Variants in DKK2 observed in about 807,000 individuals in gnomAD.
DKK2 encodes the protein dickkopf-related protein 2.
A neutral mutation model predicts 28.1 loss-of-function variants in DKK2; 11 were observed. The ratio of observed to expected loss-of-function variants is 0.39; its 90% CI spans 0.25 to 0.65. DKK2 has a LOEUF of 0.65. Among genes scored for constraint, DKK2 ranks in the 30% least tolerant of loss-of-function variants. DKK2 has a pLI of 0.47. For synonymous variants in DKK2, 135 were observed against 126.5 expected, an observed-to-expected ratio of 1.07 and a Z score of -0.45; for missense variants, 326 against 335.5, an observed-to-expected ratio of 0.97 and a Z score of 0.22.
intron 1 of DKK2, among the ~76,000 whole-genome samples, chr4:106,993,318 G>T (rs1007638291): frequency 6.6e-6 from 1 of 152,170 alleles, no homozygotes; most frequent in Non-Finnish European, 1.5e-5. Context: ...AAAGCACATA[G>T]CCTCATGGCT....
At chr4:106,981,208 G>A (rs1436808167) in intron 1 of DKK2, among the ~76,000 whole-genome samples, 1 of 151,984 alleles carries the variant, frequency 6.6e-6, no homozygotes, top group African/African-American at 2.4e-5. Context: ...ACTTGAAGGG[G>A]TGGTCTAAAT....
At chr4:106,975,904 G>A (rs1290095132) in intron 1 of DKK2, among the ~76,000 whole-genome samples, 2 of 152,106 alleles carry the variant, frequency 1.3e-5, no homozygotes, top group Non-Finnish European at 2.9e-5. Flanking sequence ...TCTAAACACT[G>A]CTTTAGCTGT....
intron 1 of DKK2, among the ~76,000 whole-genome samples, chr4:107,018,582 C>T (rs555732436): frequency 3.3e-5 from 5 of 152,114 alleles, no homozygotes; most frequent in East Asian, 1.9e-4. Flanking sequence ...ATTCTGGTGA[C>T]GGATGAAGTA....
chr4:106,971,688 T>C (rs1722870272), intron 1 of DKK2, among the ~76,000 whole-genome samples: 1 of 152,098 alleles, frequency 6.6e-6, no homozygotes, highest in African/African-American at 2.4e-5. Flanking sequence ...ATTCTTCTTG[T>C]TTGAAAGTAA....
intron 1 of DKK2, among the ~76,000 whole-genome samples, chr4:107,020,513 C>A (rs1419106391): frequency 6.6e-6 from 1 of 151,942 alleles, no homozygotes. Flanking sequence ...GAAGTTTAGT[C>A]TTTCCTCTTA....
intron 2 of DKK2, among the ~76,000 whole-genome samples, chr4:106,924,969 G>A (rs1390358984): frequency 6.6e-6 from 1 of 152,126 alleles, no homozygotes; most frequent in African/African-American, 2.4e-5. Flanking sequence ...TAGTCACAAA[G>A]TTATTGTGAA....
chr4:106,933,955 T>C (rs563799654), intron 1 of DKK2, among the ~76,000 whole-genome samples: 4 of 151,146 alleles, frequency 2.6e-5, no homozygotes, highest in African/African-American at 9.7e-5. Context: ...GTAAGTTTCC[T>C]GTAAATGTGT....
At chr4:106,978,404 A>G (rs75950190) in intron 1 of DKK2, among the ~76,000 whole-genome samples, 4,711 of 152,248 alleles carry the variant, frequency 0.031, 81 homozygotes, top group African/African-American at 0.045. Flanking sequence ...AGCCCCTGAC[A>G]GTGGCTGCTG....
chr4:107,035,527 A>G lies in DKK2; in HGVS notation c.65T>C (p.Met22Thr), dbSNP rs1282303935. ...ACTGCCGATCTGTGAGCTCTCCACC[A>G]TCAGCACCGCGGCCAGTAGGAGCAG... is the stretch of plus-strand genomic sequence containing the variant. ...CCLLLLAAVL[M>T]VESSQIGSSR... Residue 22 changes from methionine (M) to threonine (T), a missense_variant, in exon 1 of 4, where the codon ATG (methionine) becomes ACG (threonine). Met to Thr is a moderately conservative substitution (Grantham distance 81, BLOSUM62 -1). Transcript: ENST00000285311. The G allele has an allele frequency of 1.2e-6, 2 of 1,614,180 alleles. No homozygotes were observed. Among genetic ancestry groups the G allele is most frequent in the South Asian group, 2.2e-5 (2 of 91,086 alleles).
intron 1 of DKK2, among the ~76,000 whole-genome samples, chr4:106,999,545 C>T (rs1368599420): frequency 5.3e-5 from 8 of 152,042 alleles, no homozygotes; most frequent in South Asian, 4.1e-4. Flanking sequence ...CAGGGTTTCA[C>T]CACGTTAGCC....
chr4:106,962,672 G>A, intron 1 of DKK2, among the ~76,000 whole-genome samples: 1 of 151,902 alleles, frequency 6.6e-6, no homozygotes, highest in East Asian at 1.9e-4. Context: ...AAACATTGGG[G>A]AAACACTCCA....
intron 1 of DKK2, among the ~76,000 whole-genome samples, chr4:107,015,407 C>T (rs572730755): frequency 1.2e-3 from 187 of 151,640 alleles, no homozygotes; most frequent in African/African-American, 4.3e-3. Flanking sequence ...GTTTATCTCT[C>T]TTGTAACTCC....
intron 1 of DKK2, among the ~76,000 whole-genome samples, chr4:107,000,276 G>C (rs1402687609): frequency 1.3e-5 from 2 of 152,080 alleles, no homozygotes; most frequent in Non-Finnish European, 2.9e-5. Flanking sequence ...CAGATCAGTG[G>C]TTTTGGAATG....
intron 1 of DKK2, among the ~76,000 whole-genome samples, chr4:106,991,335 C>T (rs1332952740): frequency 6.6e-6 from 1 of 152,104 alleles, no homozygotes; most frequent in South Asian, 2.1e-4. Flanking sequence ...CATCCCACTG[C>T]AGTAGAAATC....
intron 1 of DKK2, among the ~76,000 whole-genome samples, chr4:106,948,051 T>C (rs974411618): frequency 6.6e-6 from 1 of 152,176 alleles, no homozygotes; most frequent in Non-Finnish European, 1.5e-5. Flanking sequence ...CACTCCTAAA[T>C]AAAACTCTGT....
chr4:107,022,320 G>A (rs1159234667), intron 1 of DKK2, among the ~76,000 whole-genome samples: 1 of 152,086 alleles, frequency 6.6e-6, no homozygotes. Flanking sequence ...CACTTAAGAA[G>A]TAAGCAATTA....
At chr4:107,034,211 G>C (rs557401357) in intron 1 of DKK2, among the ~76,000 whole-genome samples, 1 of 151,942 alleles carries the variant, frequency 6.6e-6, no homozygotes, top group African/African-American at 2.4e-5. Flanking sequence ...CTGCGCTGTG[G>C]ACAGGGGCGG....
Position 107,006,746 on chromosome 4 carries a change from A to C in DKK2, c.222+28624T>G, listed in dbSNP as rs140998988. 8.5e-5 allele frequency among the ~76,000 whole-genome samples: 13 copies of C among 152,336 alleles called. No individual in the cohort carries two copies. The East Asian group carries it at 2.5e-3, about 29-fold the overall frequency. On this transcript the variant is annotated intron_variant, in intron 1 of 3. Transcript: ENST00000285311. Reference sequence around the variant, plus strand: ...TGAGAATCTTTGGTTTGCGTCCTGCATTTATAGAAAGCAAATTAAATGAAA... The same window carrying C: ...TGAGAATCTTTGGTTTGCGTCCTGCCTTTATAGAAAGCAAATTAAATGAAA...
intron 1 of DKK2, among the ~76,000 whole-genome samples, chr4:106,994,455 CTCTCTCTT>C (rs1723244380): frequency 6.8e-6 from 1 of 147,706 alleles, no homozygotes; most frequent in South Asian, 2.2e-4. Flanking sequence ...CTTTTCCTAT[CTCTCTCTT>C]TCTCTCTCTC....
Sources: gnomAD v4.1 joint callset for allele counts (sites outside exome capture counted in the v4.1 genomes callset) on GRCh38, gnomAD v4.1.1 for gene constraint, MANE v1.5 for transcripts, NCBI Gene and HGNC (gene_info 2026-07-23, HGNC 2026-07-21) for gene names.